HS2ST1: variants seen among roughly 807,000 people sequenced by gnomAD.
The protein encoded by HS2ST1 is 2-O-sulfotransferase.
A neutral mutation model predicts 42.9 loss-of-function variants in HS2ST1; 18 were observed. That is an observed-to-expected ratio of 0.42 (90% CI 0.29 to 0.62). The LOEUF is 0.62. Among genes scored for constraint, HS2ST1 ranks in the 20% least tolerant of loss-of-function variants. The pLI is 0.21. For missense variants in HS2ST1, 334 were observed against 433.8 expected (o/e 0.77, Z 2.04); for synonymous variants, 146 against 152.9 (o/e 0.95, Z 0.33).
At chr1:87,048,824 A>G (rs1251085249) in intron 1 of HS2ST1, among the ~76,000 whole-genome samples, 2 of 152,176 alleles carry the variant, frequency 1.3e-5, no homozygotes, top group Non-Finnish European at 2.9e-5. Context: ...GGGATAAACT[A>G]CATAGGTATG....
At chr1:87,040,339 T>A (rs955178959) in intron 1 of HS2ST1, among the ~76,000 whole-genome samples, 3 of 152,178 alleles carry the variant, frequency 2.0e-5, no homozygotes, top group Admixed American at 6.5e-5. Flanking sequence ...TTTTGCTTGA[T>A]ATAGGACCTG....
intron 2 of HS2ST1, among the ~76,000 whole-genome samples, chr1:87,075,161 CTTTTTT>C (rs34812948): frequency 6.2e-5 from 3 of 48,596 alleles, no homozygotes; most frequent in Admixed American, 3.4e-4. Flanking sequence ...TCTCAGCTAC[CTTTTTT>C]TTTTTTTTTT....
intron 1 of HS2ST1, among the ~76,000 whole-genome samples, chr1:87,058,727 T>A (rs1346921760): frequency 6.6e-6 from 1 of 151,616 alleles, no homozygotes; most frequent in Non-Finnish European, 1.5e-5. Flanking sequence ...TGTTACCATA[T>A]AGGATTATTG....
intron 1 of HS2ST1, among the ~76,000 whole-genome samples, chr1:87,003,402 C>T (rs1430121336): frequency 6.6e-6 from 1 of 152,118 alleles, no homozygotes. Context: ...ATACAGTATT[C>T]ATGAACAAAA....
chr1:87,037,327 C>A (rs775404001), intron 1 of HS2ST1, among the ~76,000 whole-genome samples: 17 of 22,000 alleles, frequency 7.7e-4, no homozygotes, highest in Non-Finnish European at 2.4e-3. Context: ...ATTATAATTA[C>A]TCAGTGTATC....
intron 1 of HS2ST1, among the ~76,000 whole-genome samples, chr1:86,920,685 T>C (rs959187786): frequency 6.6e-6 from 1 of 152,186 alleles, no homozygotes. Flanking sequence ...GAAGACCATT[T>C]TTGAAGGATG....
intron 1 of HS2ST1, among the ~76,000 whole-genome samples, chr1:86,936,978 G>A (rs1191928914): frequency 6.6e-6 from 1 of 151,050 alleles, no homozygotes; most frequent in Non-Finnish European, 1.5e-5. Context: ...GGTGTTGCAT[G>A]CCTGTAGTCC....
intron 1 of HS2ST1, among the ~76,000 whole-genome samples, chr1:86,981,055 C>T (rs892104045): frequency 6.6e-6 from 1 of 151,792 alleles, no homozygotes; most frequent in Non-Finnish European, 1.5e-5. Flanking sequence ...TGGTGGAAGG[C>T]GAAGGGGAGG....
intron 1 of HS2ST1, among the ~76,000 whole-genome samples, chr1:86,918,214 A>T (rs1660206665): frequency 6.8e-6 from 1 of 147,622 alleles, no homozygotes; most frequent in South Asian, 2.1e-4. Flanking sequence ...AGGAATTCCT[A>T]AAAAAAAAAA....
intron 2 of HS2ST1, among the ~76,000 whole-genome samples, chr1:87,076,923 C>T (rs1364463829): frequency 6.6e-6 from 1 of 152,116 alleles, no homozygotes; most frequent in East Asian, 1.9e-4. Flanking sequence ...ACTCTCAAGC[C>T]AACTTTAGGT....
chr1:87,023,829 T>C (rs1650013610), intron 1 of HS2ST1, among the ~76,000 whole-genome samples: 1 of 152,046 alleles, frequency 6.6e-6, no homozygotes, highest in African/African-American at 2.4e-5. Context: ...CAATGACTTA[T>C]GCTTAGAACA....
intron 1 of HS2ST1, among the ~76,000 whole-genome samples, chr1:86,979,826 A>G (rs1648526490): frequency 6.6e-6 from 1 of 152,218 alleles, no homozygotes; most frequent in South Asian, 2.1e-4. Flanking sequence ...TTCCACCAGT[A>G]ATGCACAAGG....
At chr1:87,101,156 G>GTTTTTTTTTTTTTTTTTT (rs1162453464) in intron 5 of HS2ST1, among the ~76,000 whole-genome samples, 1 of 91,102 alleles carries the variant, frequency 1.1e-5, no homozygotes, top group Non-Finnish European at 2.0e-5. Flanking sequence ...TGTGTTTTTT[G>GTTTTTTTTTTTTTTTTTT]TTTTTTTTTT....
intron 1 of HS2ST1, among the ~76,000 whole-genome samples, chr1:86,933,911 A>G (rs1660590929): frequency 6.6e-6 from 1 of 151,762 alleles, no homozygotes; most frequent in Non-Finnish European, 1.5e-5. Context: ...TTCCCTAATA[A>G]CTCCTTCATA....
rs565056886 is a variant in HS2ST1 at position 87,017,239 on chromosome 1, C to T, written c.125-55695C>T. On this transcript the variant is annotated intron_variant, in intron 1 of 6. Transcript: ENST00000370550. ...GCAACCTCCGCCTCCCAGGTTCAAG[C>T]GATTCTCCTGTCTCAACCTCCCGAG... Among the ~76,000 whole-genome samples the T allele has an allele frequency of 3.3e-5, 5 of 152,210 alleles. No homozygotes were observed. The South Asian group carries it at 1.0e-3, about 32-fold the overall frequency.
chr1:86,926,389 C>T (rs1570425854), intron 1 of HS2ST1, among the ~76,000 whole-genome samples: 1 of 152,194 alleles, frequency 6.6e-6, no homozygotes, highest in African/African-American at 2.4e-5. Flanking sequence ...TTGATTCTCG[C>T]TCCTTAATTC....
chr1:87,073,355 C>T (rs1570530237), intron 2 of HS2ST1, among the ~76,000 whole-genome samples, 183 bp downstream of exon 2: 3 of 152,256 alleles, frequency 2.0e-5, no homozygotes, highest in Admixed American at 1.3e-4. Context: ...GACACATTTC[C>T]TTGCATATAG....
intron 4 of HS2ST1, among the ~76,000 whole-genome samples, chr1:87,095,322 A>C (rs1389427835): frequency 9.2e-5 from 14 of 152,134 alleles, no homozygotes; most frequent in African/African-American, 3.1e-4. Flanking sequence ...AAAATTCTAG[A>C]TTCTTTGCAC....
chr1:87,048,250 A>G (rs1194541764), intron 1 of HS2ST1, among the ~76,000 whole-genome samples: 1 of 152,186 alleles, frequency 6.6e-6, no homozygotes, highest in African/African-American at 2.4e-5. Flanking sequence ...TGATTTTTAT[A>G]TCCTGCAACC....
Sources: gnomAD v4.1 joint callset for allele counts (sites outside exome capture counted in the v4.1 genomes callset) on GRCh38, gnomAD v4.1.1 for gene constraint, MANE v1.5 for transcripts, NCBI Gene and HGNC (gene_info 2026-07-23, HGNC 2026-07-21) for gene names.